The following NRAP variants were observed in gnomAD, a reference collection of about 807,000 sequenced individuals.
The protein encoded by NRAP is nebulin related anchoring protein.
In NRAP, 189 loss-of-function variants were observed where a neutral mutation model predicts 225.9. That is an observed-to-expected ratio of 0.84 (90% CI 0.74 to 0.94). The LOEUF is 0.94. NRAP is among the 40% of genes least tolerant of loss of function. The pLI is 0.00. For missense variants in NRAP, 2,176 were observed against 2,168.7 expected, an observed-to-expected ratio of 1.00 and a Z score of -0.07; for synonymous variants, 769 against 790.7, an observed-to-expected ratio of 0.97 and a Z score of 0.46.
chr10:113,601,658 ATTATG>A (rs1199265911), intron 35 of NRAP, among the ~76,000 whole-genome samples: 1 of 152,218 alleles, frequency 6.6e-6, no homozygotes, highest in East Asian at 1.9e-4. Context: ...TCCATTTTAG[ATTATG>A]TTCTCTCTGC....
At chr10:113,589,139 C>T (rs1845776186) in intron 41 of NRAP, 60 bp from the exon 42 acceptor site, 2 of 1,413,046 alleles carry the variant, frequency 1.4e-6, no homozygotes, top group Admixed American at 3.4e-5. Context: ...ACTCCCGGCC[C>T]CGGTTCCCAC....
chr10:113,657,199 T>C (rs1564764267), intron 4 of NRAP, among the ~76,000 whole-genome samples: 1 of 151,992 alleles, frequency 6.6e-6, no homozygotes, highest in Non-Finnish European at 1.5e-5. Context: ...CTGAGTGAAG[T>C]GTCAGAGAAA....
chr10:113,605,773 T>C lies in NRAP; in HGVS notation c.3904A>G (p.Ile1302Val). 3 of 1,610,466 alleles carry C rather than the reference T, an allele frequency of 1.9e-6. No homozygotes were observed. Among genetic ancestry groups the C allele is most frequent in the Non-Finnish European group, 2.5e-6 (3 of 1,176,686 alleles). ...PFQAARASGD[I>V]ASDFLYRHDF... is the part of the protein sequence containing the mutation. ...ATCATTCAACTCACATCACTGGCTA[T>C]ATCTCCAGAGGCCCGGGCAGCCTGG... Residue 1302 changes from isoleucine (I) to valine (V), a missense_variant, in exon 34 of 42, where the codon ATA becomes GTA. Ile to Val is a conservative substitution (Grantham distance 29, BLOSUM62 3). Coordinates refer to ENST00000359988, the MANE Select transcript of NRAP (RefSeq NM_198060.4).
intron 23 of NRAP, among the ~76,000 whole-genome samples, chr10:113,622,428 C>T (rs990124309): frequency 6.6e-6 from 1 of 152,016 alleles, no homozygotes; most frequent in Non-Finnish European, 1.5e-5. Context: ...TAAAAGTAGC[C>T]GTGAAATGAG....
In NRAP at chr10:113,631,609, A is replaced by G. The variant is rs146212253; in HGVS notation, c.1742T>C (p.Ile581Thr). ...AKASGELASN[I>T]KYKEEYEKTK... ...CTTTTCATATTCTTCTTTATATTTAATCTTGAGAGAAAGAAGAAGGTCTAC... is the reference window on the plus strand; with the variant it reads ...CTTTTCATATTCTTCTTTATATTTAGTCTTGAGAGAAAGAAGAAGGTCTAC... The change falls in exon 18 of 42, where the codon ATT becomes ACT. Residue 581 changes from isoleucine to threonine, a missense_variant and splice_region_variant. Transcript: ENST00000359988. The G allele has an allele frequency of 3.8e-4, 606 of 1,590,700 alleles. 8 individuals are homozygous for G. The highest frequency in any genetic ancestry group is 7.4e-5 in the Non-Finnish European group (86 of 1,160,116).
intron 14 of NRAP, among the ~76,000 whole-genome samples, chr10:113,639,257 A>G (rs571814769): frequency 6.6e-6 from 1 of 152,300 alleles, no homozygotes; most frequent in South Asian, 2.1e-4. Context: ...ACACATTTGG[A>G]AAGCCCCTTT....
At position 113,595,566 on chromosome 10, in the gene NRAP, G is replaced by T. The variant is rs78649893; in HGVS notation, c.4536+57C>A. 2,704 of 1,105,952 alleles carry T rather than the reference G, an allele frequency of 2.4e-3. 54 individuals are homozygous for T. The African/African-American group carries it at 0.036, about 15-fold the overall frequency. The allele number at this position is 1,105,952 out of a possible 1,614,324, so 68.5% of individuals were successfully genotyped here. ...TTTTAAAAAAACGAAATCCACATTGGGCACAGATCATTTTACAAAAGTGGG... is the reference window on the plus strand; with the variant it reads ...TTTTAAAAAAACGAAATCCACATTGTGCACAGATCATTTTACAAAAGTGGG... On this transcript the variant is annotated intron_variant, in intron 38 of 41. Transcript: ENST00000359988.
intron 11 of NRAP, among the ~76,000 whole-genome samples, chr10:113,645,336 C>T (rs1340556954): frequency 6.6e-6 from 1 of 152,214 alleles, no homozygotes; most frequent in African/African-American, 2.4e-5. Context: ...TCTAGGCTGT[C>T]TTGTAAATTG....
chr10:113,633,529 A>T (rs1275901223), intron 15 of NRAP, among the ~76,000 whole-genome samples: 2 of 152,198 alleles, frequency 1.3e-5, no homozygotes, highest in Admixed American at 6.5e-5. Flanking sequence ...GGTAATTATC[A>T]AATGCCTGCC....
chr10:113,637,782 C>T (rs754975415), intron 14 of NRAP, among the ~76,000 whole-genome samples: 3 of 151,986 alleles, frequency 2.0e-5, no homozygotes, highest in African/African-American at 4.8e-5. Context: ...AATTAGGGAG[C>T]GTGGTGGCGC....
rs778233836 is a variant in NRAP at position 113,604,860 on chromosome 10, T to C, written c.3976A>G (p.Arg1326Gly). 2 of 1,614,144 alleles carry C rather than the reference T, an allele frequency of 1.2e-6. No homozygotes were observed. Among genetic ancestry groups the C allele is most frequent in the Non-Finnish European group, 1.7e-6 (2 of 1,180,018 alleles). Residue 1326 changes from arginine (R) to glycine (G), a missense_variant, in exon 35 of 42, where the codon AGA becomes GGA. By Grantham distance (125) the Arg-to-Gly change is moderately radical. Around this residue, in one of 3 missense-constraint regions of NRAP, gnomAD observed 1,708 missense variants for 1,695.5 expected, o/e 1.01. Transcript: ENST00000359988. ...RGKLIGPQSV[R>G]DDPRIQHCRR... ...CAGTGCTGGATCCGGGGGTCGTCTC[T>C]TACACTCTGGGGCCCTATGAGTTTC...
chr10:113,662,928 CA>C (rs1379485968), intron 2 of NRAP, among the ~76,000 whole-genome samples, 162 bp from the exon 3 acceptor site: 1 of 151,530 alleles, frequency 6.6e-6, no homozygotes. Flanking sequence ...ATGCATCTTA[CA>C]GAAAAAAAAG....
chr10:113,608,863 TA>T (rs912028427), intron 31 of NRAP, among the ~76,000 whole-genome samples: 2 of 152,100 alleles, frequency 1.3e-5, no homozygotes, highest in Admixed American at 6.5e-5. Flanking sequence ...ACTGCAGCTT[TA>T]AAAAAACAGA....
At chr10:113,599,287 C>T (rs528822233) in intron 35 of NRAP, among the ~76,000 whole-genome samples, 2 of 152,314 alleles carry the variant, frequency 1.3e-5, no homozygotes, top group African/African-American at 4.8e-5. Flanking sequence ...TCGACTGTGC[C>T]TTCCAACTGG....
At chr10:113,648,308 G>A (rs1376199417) in intron 9 of NRAP, among the ~76,000 whole-genome samples, 5 of 152,016 alleles carry the variant, frequency 3.3e-5, no homozygotes, top group Admixed American at 2.0e-4. Context: ...GCTGACAGAA[G>A]GTTCTGGCCA....
chr10:113,597,162 T>C lies in NRAP; in HGVS notation c.4355A>G (p.Asp1452Gly), dbSNP rs1846330342. 4 of 1,612,794 alleles carry C rather than the reference T, an allele frequency of 2.5e-6. No individual in the cohort carries two copies. The highest frequency in any genetic ancestry group is 3.4e-6 in the Non-Finnish European group (4 of 1,178,732). Residue 1452 changes from aspartate to glycine, a missense_variant, in exon 37 of 42, where the codon GAC (aspartate) becomes GGC (glycine). By Grantham distance (94) the Asp-to-Gly change is moderately conservative. Coordinates refer to ENST00000359988, the MANE Select transcript of NRAP (RefSeq NM_198060.4). ...ISETKYRKKP[D>G]SIKFTTVVDS... ...AACCACTGTGGTGAACTTGATACTGTCTGGTTTTTTACGGTACTTGGTCTA... is the reference window on the plus strand; with the variant it reads ...AACCACTGTGGTGAACTTGATACTGCCTGGTTTTTTACGGTACTTGGTCTA...
intron 25 of NRAP, among the ~76,000 whole-genome samples, chr10:113,618,641 C>T (rs774420468): frequency 6.6e-6 from 1 of 152,242 alleles, no homozygotes; most frequent in Non-Finnish European, 1.5e-5. Flanking sequence ...CGGGCATTCT[C>T]TCTGGAATTA....
Position 113,602,266 on chromosome 10 carries a change from C to G in NRAP, c.4227+2343G>C, listed in dbSNP as rs1257277391. 3.3e-5 allele frequency among the ~76,000 whole-genome samples: 5 copies of G among 152,206 alleles called. No individual in the cohort carries two copies. The East Asian group carries it at 7.7e-4, about 23-fold the overall frequency. ...CAGTGACAGAGCTGGGCTTCCCACA[C>G]ACATCCTCTGACTTCCAGCTCCACC... On this transcript the variant is annotated intron_variant, in intron 35 of 41. Coordinates refer to ENST00000359988, the MANE Select transcript of NRAP (RefSeq NM_198060.4).
chr10:113,615,709 C>T lies in NRAP; in HGVS notation c.3078+3G>A. The stretch of plus-strand genomic sequence containing the variant: ...AAACTCGTGCCCCTTGGGTCAGCCT[C>T]ACCTCACTGATATTCATGGCATTCA... On this transcript the variant is annotated splice_donor_region_variant and intron_variant, in intron 27 of 41. Transcript: ENST00000359988. 1 of 1,576,110 alleles carries T rather than the reference C, an allele frequency of 6.3e-7. No homozygotes were observed. Among genetic ancestry groups the T allele is most frequent in the Non-Finnish European group, 8.7e-7 (1 of 1,145,420 alleles).
Sources: allele counts gnomAD v4.1 joint callset (sites outside exome capture counted in the v4.1 genomes callset), GRCh38; gene constraint gnomAD v4.1.1; regional missense constraint gnomAD v4.1.1; transcripts MANE v1.5; gene names NCBI Gene and HGNC (gene_info 2026-07-23, HGNC 2026-07-21).